PLA2G6: variants seen among roughly 807,000 people sequenced by gnomAD.
PLA2G6 encodes the protein 85/88 kDa calcium-independent phospholipase A2.
In PLA2G6, 62 loss-of-function variants were observed where a neutral mutation model predicts 83.8. That is an observed-to-expected ratio of 0.74 (90% confidence interval 0.60 to 0.91). The LOEUF (loss-of-function observed/expected upper bound fraction) is 0.91. Ranked by LOEUF, PLA2G6 falls within the 40% of genes least tolerant of loss-of-function variation. PLA2G6 has a pLI of 0.00. For missense variants in PLA2G6, 944 were observed against 1,102.0 expected, an observed-to-expected ratio of 0.86 and a Z score of 2.03; for synonymous variants, 417 against 449.8, an observed-to-expected ratio of 0.93 and a Z score of 0.92.
chr22:38,122,448 C>A (rs534880690), intron 11 of PLA2G6, among the ~76,000 whole-genome samples: 28 of 152,264 alleles, frequency 1.8e-4, no homozygotes, highest in Non-Finnish European at 3.2e-4. Context: ...ACAACACTGA[C>A]CACCCGGCTA....
chr22:38,176,575 C>T (rs133016), intron 1 of PLA2G6, among the ~76,000 whole-genome samples: 77,919 of 152,016 alleles, frequency 0.51, 20,517 homozygotes, highest in South Asian at 0.64. Context: ...AACTCAGGGT[C>T]CACTCAGAGT....
At chr22:38,114,056 A>T (rs1436729411) in intron 14 of PLA2G6, among the ~76,000 whole-genome samples, 2 of 152,158 alleles carry the variant, frequency 1.3e-5, no homozygotes, top group African/African-American at 4.8e-5. Context: ...CAGTCTGTGG[A>T]GAGGGCACTG....
intron 2 of PLA2G6, among the ~76,000 whole-genome samples, chr22:38,163,051 C>T (rs1446866245): frequency 3.3e-5 from 5 of 152,264 alleles, no homozygotes; most frequent in Admixed American, 2.0e-4. Flanking sequence ...CCTCAGGGGA[C>T]CTGCAAACCT....
At position 38,156,163 on chromosome 22, in the gene PLA2G6, C is replaced by A. The variant is rs531145360; in HGVS notation, c.210-10510G>T. 2.0e-5 allele frequency among the ~76,000 whole-genome samples: 3 copies of A among 152,158 alleles called. No homozygotes were observed. The East Asian group carries it at 5.8e-4, about 29-fold the overall frequency. On this transcript the variant is annotated intron_variant, in intron 2 of 16. Transcript: ENST00000332509. ...ACATATGCACTCAACACTGGAACAC[C>A]CAGATATATAAAGGAAGTATTCTTA...
Position 38,115,557 on chromosome 22 carries a change from G to A in PLA2G6, c.2004C>T (p.Ile668=). The change falls in exon 14 of 17, where the codon ATC becomes ATT. Residue 668 remains isoleucine (I), a synonymous_variant. Transcript: ENST00000332509. ...NNPTLDAMTE[I]HEYNQDLIRK... Reference sequence around the variant, plus strand: ...GGATCAGGTCCTGATTGTACTCATGGATCTCGGTCATGGCATCCAGCGTGG... The same window carrying A: ...GGATCAGGTCCTGATTGTACTCATGAATCTCGGTCATGGCATCCAGCGTGG... 6.2e-7 allele frequency: 1 copy of A among 1,613,632 alleles called. No individual in the cohort carries two copies.
In PLA2G6 at chr22:38,121,403, C is replaced by G. The variant is rs11570737; in HGVS notation, c.1592-494G>C. ...GAAGCCCCACGGCTCTGCACTTCAT[C>G]TTGTATTCATGATTTTGTATTATTT... On this transcript the variant is annotated intron_variant, in intron 11 of 16. Coordinates refer to ENST00000332509, the MANE Select transcript of PLA2G6 (RefSeq NM_003560.4). Among the ~76,000 whole-genome samples the G allele has an allele frequency of 4.0e-3, 613 of 152,260 alleles. 4 individuals carry two copies. The highest frequency in any genetic ancestry group is 0.014 in the African/African-American group (585 of 41,526).
chr22:38,137,816 A>G (rs2179236), intron 5 of PLA2G6: 8,315 of 152,456 alleles, frequency 0.055, 772 homozygotes, highest in African/African-American at 0.19. Context: ...CCTGGGTGAC[A>G]GAGTGAAACT....
At chr22:38,159,793 A>C (rs1389121449) in intron 2 of PLA2G6, among the ~76,000 whole-genome samples, 1 of 149,548 alleles carries the variant, frequency 6.7e-6, no homozygotes. Flanking sequence ...AAATAGGAGA[A>C]AGAAGGAATG....
chr22:38,127,300 G>T, intron 9 of PLA2G6: 1 of 1,268,716 alleles, frequency 7.9e-7, no homozygotes. Flanking sequence ...GTGCAGGGGA[G>T]GGGGCGTGTG....
chr22:38,140,599 A>G (rs1264077818), intron 4 of PLA2G6: 1 of 220,406 alleles, frequency 4.5e-6, no homozygotes, highest in Non-Finnish European at 9.3e-6. Flanking sequence ...TGTGGCTCAC[A>G]TGAAACATTT....
chr22:38,120,690 C>T, intron 12 of PLA2G6, 69 bp downstream of exon 12: 1 of 1,571,896 alleles, frequency 6.4e-7, no homozygotes, highest in South Asian at 1.1e-5. Context: ...GGACAGGGAG[C>T]CCTCTGTCCC....
chr22:38,111,808 C>T lies in PLA2G6; in HGVS notation c.*353G>A. On this transcript the variant is annotated 3_prime_UTR_variant, in exon 17 of 17. Coordinates refer to ENST00000332509, the MANE Select transcript of PLA2G6 (RefSeq NM_003560.4). ...TTGCTGGGGGCTGGGGCAGAGGCAG[C>T]CCGGCAGGCCCTCAGGGAGGCTGGG... 2.7e-6 allele frequency: 1 copy of T among 367,958 alleles called. No individual in the cohort carries two copies. Among genetic ancestry groups the T allele is most frequent in the Admixed American group, 3.8e-5 (1 of 26,206 alleles). The allele number at this position is 367,958 out of a possible 1,614,324, so 22.8% of individuals were successfully genotyped here. A position where few individuals can be genotyped will look rare whatever the true frequency, so the allele number is the denominator to read the frequency against.
intron 2 of PLA2G6, among the ~76,000 whole-genome samples, chr22:38,154,359 G>A (rs907609949): frequency 2.0e-5 from 3 of 152,200 alleles, no homozygotes; most frequent in Non-Finnish European, 2.9e-5. Flanking sequence ...GGCCACAGAG[G>A]TGCCTGTGTC....
intron 12 of PLA2G6, among the ~76,000 whole-genome samples, chr22:38,120,225 A>C (rs2087444124): frequency 6.6e-6 from 1 of 152,270 alleles, no homozygotes; most frequent in Admixed American, 6.5e-5. Flanking sequence ...AGTCTGACTT[A>C]AATTAGTTCA....
intron 1 of PLA2G6, among the ~76,000 whole-genome samples, chr22:38,177,231 G>A (rs570387300): frequency 6.6e-6 from 1 of 152,006 alleles, no homozygotes. Flanking sequence ...CTGTGGGTGA[G>A]AAAACACTGA....
chr22:38,156,461 A>AT (rs132958), intron 2 of PLA2G6, among the ~76,000 whole-genome samples: 72,459 of 150,172 alleles, frequency 0.48, 17,979 homozygotes, highest in South Asian at 0.66. Context: ...TATTGTTATT[A>AT]TTTTTTTTTT....
At position 38,133,234 on chromosome 22, in the gene PLA2G6, T is replaced by C. The variant is rs112472971; in HGVS notation, c.895-221A>G. ...GACTAGGGACAAAAAGCCAAAGATG[T>C]GCTGACTGTTTTAAGAGGCTTCTGG... On this transcript the variant is annotated intron_variant, in intron 6 of 16. Coordinates refer to ENST00000332509, the MANE Select transcript of PLA2G6 (RefSeq NM_003560.4). 9.8e-5 allele frequency: 58 copies of C among 594,546 alleles called. 4 individuals are homozygous for C. Among genetic ancestry groups the C allele is most frequent in the African/African-American group, 7.8e-4 (42 of 53,904 alleles). 36.8% of individuals were successfully genotyped at this position (594,546 alleles called of 1,614,324 possible).
At chr22:38,133,169 AGGGG>A in intron 6 of PLA2G6, 156 bp from the exon 7 acceptor site, 1 of 712,704 alleles carries the variant, frequency 1.4e-6, no homozygotes, top group Non-Finnish European at 2.4e-6. Context: ...CCCCAGTTCT[AGGGG>A]GGCCTAGACT....
At chr22:38,127,453 G>T in intron 9 of PLA2G6, 1 of 1,331,410 alleles carries the variant, frequency 7.5e-7, no homozygotes, top group Admixed American at 2.1e-5. Context: ...TGGCTTGGGT[G>T]ACTGCCTGCA....
Sources: gnomAD v4.1 joint callset for allele counts (sites outside exome capture counted in the v4.1 genomes callset) on GRCh38, gnomAD v4.1.1 for gene constraint, MANE v1.5 for transcripts, NCBI Gene and HGNC (gene_info 2026-07-23, HGNC 2026-07-21) for gene names.